Variants in CDYL2 observed in about 807,000 individuals in gnomAD.
CDYL2 encodes chromodomain Y-like protein 2.
In CDYL2, 23 loss-of-function variants were observed where a neutral mutation model predicts 49.4. That is an observed-to-expected ratio of 0.47 (90% CI 0.34 to 0.66). The LOEUF is 0.66. Among genes scored for constraint, CDYL2 ranks in the 30% least tolerant of loss-of-function variants. The pLI, the probability that CDYL2 is intolerant of heterozygous loss-of-function variation, is 0.01. For synonymous variants in CDYL2, 360 were observed against 268.8 expected (o/e 1.34, Z -3.32); for missense variants, 678 against 656.4 (o/e 1.03, Z -0.36).
intron 1 of CDYL2, among the ~76,000 whole-genome samples, chr16:80,696,402 G>T (rs1049379836): frequency 6.6e-6 from 1 of 151,202 alleles, no homozygotes; most frequent in African/African-American, 2.4e-5. Context: ...CAGAAATAGG[G>T]ACTAAAAAAT....
intron 1 of CDYL2, among the ~76,000 whole-genome samples, chr16:80,766,904 T>C (rs1906746261): frequency 1.3e-5 from 2 of 152,204 alleles, no homozygotes; most frequent in South Asian, 2.1e-4. Context: ...CACTGGTTTT[T>C]ACAAATACTG....
chr16:80,712,215 A>ATATATATATATATATATATATCTCTC (rs763194077), intron 1 of CDYL2, among the ~76,000 whole-genome samples: 2 of 128,356 alleles, frequency 1.6e-5, no homozygotes, highest in Non-Finnish European at 1.8e-5. Context: ...ATATATATAT[A>ATATATATATATATATATATATCTCTC]TCTCCAAACC....
intron 1 of CDYL2, among the ~76,000 whole-genome samples, chr16:80,770,758 T>C (rs1045901714): frequency 2.8e-4 from 43 of 152,196 alleles, no homozygotes; most frequent in Admixed American, 1.3e-4. Context: ...CAGAAAAATA[T>C]ACAAAATCCT....
chr16:80,760,187 G>A (rs1906478337), intron 1 of CDYL2, among the ~76,000 whole-genome samples: 2 of 152,138 alleles, frequency 1.3e-5, no homozygotes, highest in African/African-American at 4.8e-5. Flanking sequence ...TATTGTGCGA[G>A]GCAAGGCACA....
intron 1 of CDYL2, among the ~76,000 whole-genome samples, chr16:80,694,898 A>C (rs1323725719): frequency 6.6e-6 from 1 of 152,258 alleles, no homozygotes. Context: ...AATGACGGGA[A>C]TATATCAAAA....
chr16:80,718,253 A>C (rs968954385), intron 1 of CDYL2, among the ~76,000 whole-genome samples: 4 of 152,238 alleles, frequency 2.6e-5, no homozygotes, highest in African/African-American at 9.6e-5. Context: ...TTTGAAGTAA[A>C]ATATTAATCT....
chr16:80,784,327 T>C (rs1488074001), intron 1 of CDYL2, among the ~76,000 whole-genome samples: 2 of 152,210 alleles, frequency 1.3e-5, no homozygotes, highest in Non-Finnish European at 2.9e-5. Flanking sequence ...CTTTAACCCA[T>C]TATCCAGAAG....
intron 2 of CDYL2, among the ~76,000 whole-genome samples, chr16:80,636,765 G>A (rs1049680456): frequency 6.6e-5 from 10 of 152,144 alleles, no homozygotes; most frequent in Admixed American, 4.6e-4. Flanking sequence ...TATGTTTACT[G>A]CAGCACTGTT....
chr16:80,651,830 C>A (rs755327721), intron 2 of CDYL2, among the ~76,000 whole-genome samples: 3 of 152,126 alleles, frequency 2.0e-5, no homozygotes, highest in Non-Finnish European at 2.9e-5. Flanking sequence ...TAGGGGCTAA[C>A]AATTCTGATA....
rs981881254 is a variant in CDYL2 at position 80,600,239 on chromosome 16, T to C, written c.*4149A>G. On this transcript the variant is annotated 3_prime_UTR_variant, in exon 7 of 7. Transcript: ENST00000570137. ...TCTCCAACAATATAAGAGCATTATA[T>C]TCTAATGAAAAAATTGGCACCAAAC... The C allele has an allele frequency of 8.2e-6, 1 of 122,142 alleles. No individual in the cohort carries two copies. Among genetic ancestry groups the C allele is most frequent in the Non-Finnish European group, 1.6e-5 (1 of 61,378 alleles). 7.6% of individuals were successfully genotyped at this position (122,142 alleles called of 1,614,324 possible).
At chr16:80,663,259 C>CGG (rs1203427260) in intron 2 of CDYL2, among the ~76,000 whole-genome samples, 1 of 151,156 alleles carries the variant, frequency 6.6e-6, no homozygotes, top group Non-Finnish European at 1.5e-5. Flanking sequence ...TGAGCACTTC[C>CGG]GGTCATCAAT....
rs146218693 is a variant in CDYL2, at chr16:80,774,568, A to T, written c.24+29582T>A. Among the ~76,000 whole-genome samples the T allele has an allele frequency of 6.4e-4, 97 of 152,342 alleles. No individual in the cohort carries two copies. In the Middle Eastern group the frequency reaches 0.01, roughly 16 times the overall value. On this transcript the variant is annotated intron_variant, in intron 1 of 6. Transcript: ENST00000570137. ...CTTTAATGTTCATACCACAAAAAAAAGATAAATTGGTGAGGTAACAGATAT... is the reference window on the plus strand; with the variant it reads ...CTTTAATGTTCATACCACAAAAAAATGATAAATTGGTGAGGTAACAGATAT...
chr16:80,688,164 G>C (rs1186826519), intron 1 of CDYL2, among the ~76,000 whole-genome samples: 2 of 152,200 alleles, frequency 1.3e-5, no homozygotes, highest in Admixed American at 6.5e-5. Context: ...TGCAATCACA[G>C]AGTCACAGGT....
chr16:80,641,908 T>TA (rs554451715), intron 2 of CDYL2, among the ~76,000 whole-genome samples: 1,696 of 135,484 alleles, frequency 0.013, 35 homozygotes, highest in African/African-American at 0.041. Flanking sequence ...AATAAAAAAA[T>TA]AAAAAAAAAA....
At chr16:80,775,901 G>T (rs1372198777) in intron 1 of CDYL2, among the ~76,000 whole-genome samples, 1 of 151,242 alleles carries the variant, frequency 6.6e-6, no homozygotes, top group Non-Finnish European at 1.5e-5. Flanking sequence ...CTTTTGTGCT[G>T]TCCAGAGGCT....
chr16:80,797,685 T>C (rs1211765595), intron 1 of CDYL2, among the ~76,000 whole-genome samples: 1 of 152,216 alleles, frequency 6.6e-6, no homozygotes, highest in East Asian at 1.9e-4. Context: ...ACCACTGTTA[T>C]TGTACATTTT....
chr16:80,757,550 A>AT (rs1238527643), intron 1 of CDYL2, among the ~76,000 whole-genome samples: 1,661 of 140,760 alleles, frequency 0.012, 31 homozygotes, highest in African/African-American at 0.046. Context: ...AAAAAAAAAA[A>AT]AAAATATATA....
chr16:80,742,478 A>ATGGATGGG (rs1490506085), intron 1 of CDYL2, among the ~76,000 whole-genome samples: 2 of 151,702 alleles, frequency 1.3e-5, no homozygotes, highest in Non-Finnish European at 2.9e-5. Context: ...GGATGGATGG[A>ATGGATGGG]TGGATGGATG....
intron 1 of CDYL2, among the ~76,000 whole-genome samples, chr16:80,686,112 C>T (rs993858842): frequency 3.3e-5 from 5 of 152,218 alleles, no homozygotes; most frequent in African/African-American, 7.2e-5. Flanking sequence ...GCAGGCGATA[C>T]TGGTGGGATT....
Sources: gnomAD v4.1 joint callset for allele counts (sites outside exome capture counted in the v4.1 genomes callset) on GRCh38, gnomAD v4.1.1 for gene constraint, MANE v1.5 for transcripts, NCBI Gene and HGNC (gene_info 2026-07-23, HGNC 2026-07-21) for gene names.